The following CCDC33 variants were observed in gnomAD, a reference collection of about 807,000 sequenced individuals.
The protein encoded by CCDC33 is coiled-coil domain containing 33, also known as coiled-coil domain-containing protein 33.
Under a neutral mutation model 91.9 loss-of-function variants are expected in CCDC33, and 94 were observed. The ratio of observed to expected loss-of-function variants is 1.02; its 90% CI spans 0.87 to 1.21. CCDC33 has a LOEUF of 1.21. Ranked by LOEUF, CCDC33 falls within the 50% of genes most tolerant of loss-of-function variation. The probability of loss-of-function intolerance (pLI) is 0.00; values close to 1 mark genes in which losing one functional copy is unlikely to be tolerated. For missense variants in CCDC33, 940 were observed against 935.5 expected (o/e 1.00, Z -0.06); for synonymous variants, 396 against 374.5 (o/e 1.06, Z -0.66).
At chr15:74,303,206 G>A (rs886941453) in intron 11 of CCDC33, 2 of 152,364 alleles carry the variant, frequency 1.3e-5, no homozygotes, top group East Asian at 1.9e-4. Context: ...CAGCAGGAAC[G>A]TCAGCCTAGG....
chr15:74,335,002 C>A lies in CCDC33; in HGVS notation c.2053C>A (p.Arg685=), dbSNP rs562833338. The change falls in exon 18 of 19, where the codon CGA becomes AGA. Residue 685 remains arginine, a synonymous_variant. Coordinates refer to ENST00000398814, the MANE Select transcript of CCDC33 (RefSeq NM_025055.5). ...QLEDSARRWG[R]EKQDLATRLQ... ...AGAGGACTCAGCTCGACGCTGGGGA[C>A]GAGAGAAGCAGGATCTGGCCACACG... 6.2e-7 allele frequency: 1 copy of A among 1,614,004 alleles called. No homozygotes were observed. Among genetic ancestry groups the A allele is most frequent in the East Asian group, 2.2e-5 (1 of 44,878 alleles).
At chr15:74,205,102 A>G (rs1198308900) in intron 1 of CCDC33, among the ~76,000 whole-genome samples, 1 of 152,134 alleles carries the variant, frequency 6.6e-6, no homozygotes, top group African/African-American at 2.4e-5. Flanking sequence ...AGGGGAAGTG[A>G]AGTGGGGGAA....
chr15:74,246,673 T>C (rs2075539991), intron 2 of CCDC33, among the ~76,000 whole-genome samples: 1 of 152,166 alleles, frequency 6.6e-6, no homozygotes, highest in South Asian at 2.1e-4. Context: ...AGATAAGTGT[T>C]GGTGCGGGTG....
intron 11 of CCDC33, among the ~76,000 whole-genome samples, chr15:74,321,592 G>A (rs2060208333): frequency 6.6e-6 from 1 of 152,048 alleles, no homozygotes; most frequent in Admixed American, 6.6e-5. Context: ...GTAGAGAGGG[G>A]GTTTCACTGT....
At chr15:74,324,800 T>A (rs1432480399) in intron 11 of CCDC33, among the ~76,000 whole-genome samples, 1 of 52,362 alleles carries the variant, frequency 1.9e-5, no homozygotes, top group Non-Finnish European at 3.9e-5. Flanking sequence ...CCAACCCAGC[T>A]CCCCCTCCTT....
intron 2 of CCDC33, among the ~76,000 whole-genome samples, chr15:74,228,446 G>A (rs1407296947): frequency 6.6e-6 from 1 of 152,258 alleles, no homozygotes; most frequent in African/African-American, 2.4e-5. Flanking sequence ...GACGCCGAGT[G>A]AATGGCAGCT....
chr15:74,231,316 T>C (rs1007446096), intron 2 of CCDC33, among the ~76,000 whole-genome samples: 1 of 152,192 alleles, frequency 6.6e-6, no homozygotes, highest in Non-Finnish European at 1.5e-5. Context: ...CTGCAGCCCC[T>C]CTGTGCTGGA....
chr15:74,282,707 C>T (rs2059392926), intron 10 of CCDC33, among the ~76,000 whole-genome samples: 1 of 152,206 alleles, frequency 6.6e-6, no homozygotes, highest in Non-Finnish European at 1.5e-5. Flanking sequence ...GGAATTCTGT[C>T]TACCACAGCT....
chr15:74,264,406 T>C (rs1328858066), intron 3 of CCDC33, among the ~76,000 whole-genome samples: 1 of 152,088 alleles, frequency 6.6e-6, no homozygotes, highest in Non-Finnish European at 1.5e-5. Context: ...ATGAAGTGTG[T>C]TTGTAGCATG....
intron 1 of CCDC33, among the ~76,000 whole-genome samples, chr15:74,242,748 C>A (rs757815262): frequency 2.2e-4 from 34 of 152,172 alleles, no homozygotes; most frequent in Middle Eastern, 3.4e-3. Context: ...GACAAGGACA[C>A]CCCTGAGCCA....
At position 74,244,739 on chromosome 15, in the gene CCDC33, G is replaced by C. The variant is rs901128; in HGVS notation, c.185+591G>C. Among the ~76,000 whole-genome samples the C allele has an allele frequency of 0.33, 50,880 of 152,090 alleles. 9,050 individuals carry two copies. The highest frequency in any genetic ancestry group is 0.64 in the East Asian group (3,317 of 5,152). ...CGCCACGTCTATGCCCACCTCACGG[G>C]TCTCACTTCTTCCAGAAAGGCGCCA... On this transcript the variant is annotated intron_variant, in intron 2 of 18. Coordinates refer to ENST00000398814, the MANE Select transcript of CCDC33 (RefSeq NM_025055.5). This position sits in a 1 kb window ranked among gnomAD's most constrained non-coding sequence, Gnocchi z 4.2.
intron 11 of CCDC33, among the ~76,000 whole-genome samples, chr15:74,307,248 G>T (rs1036280410): frequency 2.6e-5 from 4 of 152,176 alleles, no homozygotes; most frequent in Non-Finnish European, 4.4e-5. Context: ...GGGAAATGGG[G>T]CTTGTCCCTT....
chr15:74,230,748 A>G (rs1316511517), intron 2 of CCDC33, among the ~76,000 whole-genome samples: 1 of 152,134 alleles, frequency 6.6e-6, no homozygotes, highest in African/African-American at 2.4e-5. Flanking sequence ...GCTGCCTACC[A>G]TGTGAAGGCA....
intron 2 of CCDC33, among the ~76,000 whole-genome samples, chr15:74,224,808 G>A (rs1275594028): frequency 6.6e-6 from 1 of 152,212 alleles, no homozygotes; most frequent in South Asian, 2.1e-4. Context: ...AATGATTTGG[G>A]ATGTCTGTAT....
At chr15:74,215,886 A>AAAGAAAG (rs1567207957), upstream of CCDC33, among the ~76,000 whole-genome samples, 4 of 113,840 alleles carry the variant, frequency 3.5e-5, no homozygotes, top group African/African-American at 1.2e-4. Context: ...AAAAAAAAAA[A>AAAGAAAG]AAAGAAAGAA....
chr15:74,298,958 G>A (rs185943489), intron 11 of CCDC33, among the ~76,000 whole-genome samples: 12 of 152,142 alleles, frequency 7.9e-5, no homozygotes, highest in South Asian at 4.2e-4. Context: ...TGATCTGCCC[G>A]CCTTGGCCTC....
intron 10 of CCDC33, among the ~76,000 whole-genome samples, chr15:74,293,483 G>A (rs2059622556): frequency 6.6e-6 from 1 of 152,174 alleles, no homozygotes; most frequent in Admixed American, 6.5e-5. Context: ...AGTCAATCTA[G>A]TGTTCAGCTG....
upstream of CCDC33, among the ~76,000 whole-genome samples, chr15:74,231,814 G>A (rs1435325381): frequency 2.0e-5 from 3 of 152,266 alleles, no homozygotes; most frequent in African/African-American, 7.2e-5. Flanking sequence ...TCAGGAGTTC[G>A]AGACCAGCCT....
At chr15:74,240,952 C>T (rs1388859911) in intron 1 of CCDC33, among the ~76,000 whole-genome samples, 6 of 152,326 alleles carry the variant, frequency 3.9e-5, no homozygotes, top group Admixed American at 1.3e-4. Flanking sequence ...TGCCACTAAA[C>T]CAGGAGAGCA....
Sources: gnomAD v4.1 joint callset for allele counts (sites outside exome capture counted in the v4.1 genomes callset) on GRCh38, gnomAD v4.1.1 for gene constraint, Gnocchi (gnomAD v3.1) non-coding constraint, MANE v1.5 for transcripts, NCBI Gene and HGNC (gene_info 2026-07-23, HGNC 2026-07-21) for gene names.